Variants in OPCML observed in about 807,000 individuals in gnomAD.
OPCML encodes the protein opioid-binding protein/cell adhesion molecule.
OPCML carries 13 observed loss-of-function variants against 37.8 expected under a neutral mutation model. The observed-to-expected ratio is 0.34, with a 90% CI of 0.22 to 0.55. The LOEUF is 0.55. Among genes scored for constraint, OPCML ranks in the 20% least tolerant of loss-of-function variants. The pLI, the probability that OPCML is intolerant of heterozygous loss-of-function variation, is 0.91. For synonymous variants in OPCML, 176 were observed against 168.8 expected (o/e 1.04, Z -0.33); for missense variants, 341 against 435.6 (o/e 0.78, Z 1.93).
intron 1 of OPCML, among the ~76,000 whole-genome samples, chr11:133,352,597 G>A (rs2136695421): frequency 6.6e-6 from 1 of 152,318 alleles, no homozygotes; most frequent in South Asian, 2.1e-4. Flanking sequence ...GAATCTTTCT[G>A]AGGATAAGGA....
At chr11:133,141,498 CTCTA>C (rs1329921204) in intron 1 of OPCML, among the ~76,000 whole-genome samples, 6 of 152,136 alleles carry the variant, frequency 3.9e-5, no homozygotes, top group Non-Finnish European at 7.4e-5. Context: ...CAACCCTTAT[CTCTA>C]TCTGTCTTCA....
chr11:132,482,247 T>A lies in OPCML; in HGVS notation c.506-44888A>T, dbSNP rs1314216807. Among the ~76,000 whole-genome samples the A allele has an allele frequency of 5.3e-5, 8 of 151,664 alleles. No homozygotes were observed. In the South Asian group the frequency reaches 8.3e-4, roughly 16 times the overall value. ...AAATGATAAAGGGGATATCACCACC[T>A]ATCCCACAGAAATACAAACTACCAT... On this transcript the variant is annotated intron_variant, in intron 4 of 7. Coordinates refer to ENST00000524381, the MANE Select transcript of OPCML (RefSeq NM_001012393.5).
intron 2 of OPCML, among the ~76,000 whole-genome samples, chr11:132,827,368 A>G (rs946458674): frequency 3.9e-5 from 6 of 152,198 alleles, no homozygotes; most frequent in African/African-American, 1.4e-4. Context: ...ATATCACTAC[A>G]CACCTACTTG....
chr11:132,816,506 A>C (rs1939647358), intron 2 of OPCML, among the ~76,000 whole-genome samples: 1 of 152,230 alleles, frequency 6.6e-6, no homozygotes, highest in South Asian at 2.1e-4. Context: ...TTAAGTACAA[A>C]AACATTCTTA....
At chr11:132,933,991 G>A (rs969187224) in intron 2 of OPCML, among the ~76,000 whole-genome samples, 4 of 152,120 alleles carry the variant, frequency 2.6e-5, no homozygotes, top group Non-Finnish European at 5.9e-5. Context: ...TCCAAACAAT[G>A]ACCAGGAGGC....
intron 1 of OPCML, among the ~76,000 whole-genome samples, chr11:133,191,748 C>T (rs1193515880): frequency 6.6e-6 from 1 of 152,134 alleles, no homozygotes; most frequent in Non-Finnish European, 1.5e-5. Context: ...CACACCTTGG[C>T]CTCCCAAAGT....
At chr11:133,339,906 A>G (rs1943825046) in intron 1 of OPCML, among the ~76,000 whole-genome samples, 1 of 152,234 alleles carries the variant, frequency 6.6e-6, no homozygotes, top group Admixed American at 6.5e-5. Context: ...TCCTGAGAAC[A>G]TCGCAACCCC....
chr11:132,555,418 C>T lies in OPCML; in HGVS notation c.380-26232G>A, dbSNP rs570762192. Among the ~76,000 whole-genome samples the T allele has an allele frequency of 9.2e-5, 14 of 152,052 alleles. No homozygotes were observed. The South Asian group carries it at 2.9e-3, about 32-fold the overall frequency. On this transcript the variant is annotated intron_variant, in intron 3 of 7. Coordinates refer to ENST00000524381, the MANE Select transcript of OPCML (RefSeq NM_001012393.5). ...TTTCTCCTTATAAAACCATCAGATC[C>T]CATGAGACTTATTCACTACCACAAA...
chr11:132,852,957 G>A (rs1010834769), intron 2 of OPCML, among the ~76,000 whole-genome samples: 2 of 150,706 alleles, frequency 1.3e-5, no homozygotes, highest in Non-Finnish European at 2.9e-5. Flanking sequence ...AGCCCGCAAA[G>A]CCTAAAATAT....
chr11:132,688,313 T>C (rs1943251454), intron 2 of OPCML, among the ~76,000 whole-genome samples: 1 of 152,184 alleles, frequency 6.6e-6, no homozygotes, highest in South Asian at 2.1e-4. Context: ...ACTCATGCTC[T>C]TTGAACCGGC....
chr11:132,686,617 CA>C (rs1049724238), intron 2 of OPCML, among the ~76,000 whole-genome samples: 1 of 152,174 alleles, frequency 6.6e-6, no homozygotes, highest in Non-Finnish European at 1.5e-5. Context: ...CTCATTAGTC[CA>C]ATTTCTTTAC....
intron 1 of OPCML, among the ~76,000 whole-genome samples, chr11:133,411,137 A>G (rs1945642895): frequency 6.6e-6 from 1 of 152,172 alleles, no homozygotes. Context: ...CAAAGACTTC[A>G]GTTCCCCCAG....
rs1398208175 is a variant in OPCML at position 132,777,477 on chromosome 11, T to C, written c.147-120158A>G. Among the ~76,000 whole-genome samples the C allele has an allele frequency of 7.2e-5, 11 of 152,214 alleles. No individual in the cohort carries two copies. The South Asian group carries it at 2.3e-3, about 32-fold the overall frequency. On this transcript the variant is annotated intron_variant, in intron 2 of 7. Transcript: ENST00000524381. Reference sequence around the variant, plus strand: ...TAGAGCTCCAGGGAGCCCACAGTCATTCTGGGGCAGGTGCCAGCCACCCAG... The same window carrying C: ...TAGAGCTCCAGGGAGCCCACAGTCACTCTGGGGCAGGTGCCAGCCACCCAG...
chr11:132,554,601 C>G (rs781778203), intron 3 of OPCML, among the ~76,000 whole-genome samples: 1 of 152,156 alleles, frequency 6.6e-6, no homozygotes, highest in Admixed American at 6.5e-5. Context: ...GCAGGTACCA[C>G]CCCACCTGCT....
chr11:132,451,034 T>A (rs1000717231), intron 4 of OPCML, among the ~76,000 whole-genome samples: 1 of 152,074 alleles, frequency 6.6e-6, no homozygotes, highest in African/African-American at 2.4e-5. Flanking sequence ...AAATAAGGAA[T>A]AAATCTCACC....
At chr11:133,312,282 C>G (rs966791538) in intron 1 of OPCML, among the ~76,000 whole-genome samples, 37 of 152,136 alleles carry the variant, frequency 2.4e-4, no homozygotes, top group African/African-American at 8.2e-4. Context: ...ATGCTTCCCC[C>G]CAAAAGAAAG....
At chr11:132,741,171 T>C (rs867651019) in intron 2 of OPCML, among the ~76,000 whole-genome samples, 1 of 152,188 alleles carries the variant, frequency 6.6e-6, no homozygotes, top group African/African-American at 2.4e-5. Flanking sequence ...TCCTGTCTCA[T>C]GCACTCACTT....
rs528840891 is a variant in OPCML, at chr11:132,945,655, T to G, written c.62-2645A>C. 4.5e-4 allele frequency among the ~76,000 whole-genome samples: 69 copies of G among 152,366 alleles called. No individual in the cohort carries two copies. The Middle Eastern group carries it at 0.01, about 23-fold the overall frequency. ...CTTTAGCCTACTGTAACTTTTTAAC[T>G]TTATACACTTTGAATTATTTTAACT... On this transcript the variant is annotated intron_variant, in intron 1 of 7. Coordinates refer to ENST00000524381, the MANE Select transcript of OPCML (RefSeq NM_001012393.5).
intron 2 of OPCML, among the ~76,000 whole-genome samples, chr11:132,852,950 C>T: frequency 6.6e-6 from 1 of 151,680 alleles, no homozygotes; most frequent in East Asian, 1.9e-4. Flanking sequence ...CTTATGTAGC[C>T]CGCAAAGCCT....
Sources: allele counts gnomAD v4.1 joint callset (sites outside exome capture counted in the v4.1 genomes callset), GRCh38; gene constraint gnomAD v4.1.1; transcripts MANE v1.5; gene names NCBI Gene and HGNC (gene_info 2026-07-23, HGNC 2026-07-21).